Variants in IKZF2 observed in about 807,000 individuals in gnomAD.
IKZF2 encodes zinc finger protein Helios.
IKZF2 carries 15 observed loss-of-function variants against 49.2 expected under a neutral mutation model. The ratio of observed to expected loss-of-function variants is 0.30; its 90% CI spans 0.20 to 0.47. The LOEUF is 0.47. IKZF2 is among the 20% of genes least tolerant of loss of function. The pLI, the probability that IKZF2 is intolerant of heterozygous loss-of-function variation, is 1.00. For missense variants in IKZF2, 567 were observed against 664.6 expected (o/e 0.85, Z 1.61); for synonymous variants, 227 against 221.4 (o/e 1.03, Z -0.23).
intron 8 of IKZF2, among the ~76,000 whole-genome samples, chr2:213,012,194 A>G (rs1369198966): frequency 1.3e-5 from 2 of 151,964 alleles, no homozygotes; most frequent in Non-Finnish European, 2.9e-5. Flanking sequence ...TAGAATCCAA[A>G]TAAAGAAAAA....
At chr2:213,050,516 A>T (rs1700575655) in intron 5 of IKZF2, among the ~76,000 whole-genome samples, 1 of 152,214 alleles carries the variant, frequency 6.6e-6, no homozygotes, top group Non-Finnish European at 1.5e-5. Context: ...AAAGCTCATT[A>T]GTACAAGATT....
chr2:213,138,158 T>C (rs905493901), intron 4 of IKZF2, among the ~76,000 whole-genome samples: 1 of 152,098 alleles, frequency 6.6e-6, no homozygotes, highest in Non-Finnish European at 1.5e-5. Flanking sequence ...AGAACTGGCT[T>C]TAAAATTACA....
chr2:213,067,802 T>C (rs1702301393), intron 4 of IKZF2, among the ~76,000 whole-genome samples: 2 of 152,012 alleles, frequency 1.3e-5, no homozygotes, highest in South Asian at 4.1e-4. Flanking sequence ...CTATGCACTG[T>C]AAAATATTTA....
At chr2:213,081,662 A>G (rs1703967970) in intron 4 of IKZF2, among the ~76,000 whole-genome samples, 1 of 152,196 alleles carries the variant, frequency 6.6e-6, no homozygotes, top group Non-Finnish European at 1.5e-5. Flanking sequence ...AGGGGGAATA[A>G]CATGTGCGAA....
At chr2:213,071,987 A>C (rs1702754449) in intron 4 of IKZF2, among the ~76,000 whole-genome samples, 1 of 152,108 alleles carries the variant, frequency 6.6e-6, no homozygotes, top group African/African-American at 2.4e-5. Context: ...ATTCACCATC[A>C]TTAGATACAA....
intron 4 of IKZF2, among the ~76,000 whole-genome samples, chr2:213,090,633 G>A (rs1036230208): frequency 3.9e-5 from 6 of 152,284 alleles, no homozygotes; most frequent in Admixed American, 6.5e-5. Context: ...AGATGAAGTC[G>A]TACTAGAGTA....
At chr2:213,092,391 T>C (rs900557963) in intron 4 of IKZF2, among the ~76,000 whole-genome samples, 1 of 152,200 alleles carries the variant, frequency 6.6e-6, no homozygotes, top group African/African-American at 2.4e-5. Flanking sequence ...TGTACAGTTA[T>C]GGTCATATTT....
chr2:213,029,999 T>C (rs967858526), intron 6 of IKZF2, among the ~76,000 whole-genome samples: 6 of 152,270 alleles, frequency 3.9e-5, no homozygotes, highest in Middle Eastern at 3.4e-3. Context: ...AAATGATCTA[T>C]TTCATGCCTT....
intron 4 of IKZF2, among the ~76,000 whole-genome samples, chr2:213,146,766 G>GT (rs950027198): frequency 2.4e-5 from 3 of 124,444 alleles, no homozygotes; most frequent in South Asian, 2.8e-4. Context: ...CTTCGGGGGG[G>GT]GGGAAGGAAA....
At chr2:213,038,040 CTGTTT>C (rs1364888173) in intron 6 of IKZF2, among the ~76,000 whole-genome samples, 4 of 150,290 alleles carry the variant, frequency 2.7e-5, no homozygotes, top group South Asian at 2.1e-4. Context: ...TCATGGTGGT[CTGTTT>C]TGTTTTGTTT....
chr2:213,106,239 T>G (rs891909827), intron 4 of IKZF2, among the ~76,000 whole-genome samples: 3 of 152,064 alleles, frequency 2.0e-5, no homozygotes, highest in Non-Finnish European at 4.4e-5. Context: ...AAATCTCTTT[T>G]GTGGTTGAAA....
At chr2:213,054,159 G>A (rs1306867866) in intron 5 of IKZF2, among the ~76,000 whole-genome samples, 6 of 152,084 alleles carry the variant, frequency 3.9e-5, no homozygotes, top group East Asian at 3.9e-4. Context: ...CAGGAGGATC[G>A]CTTGAACCCA....
intron 4 of IKZF2, among the ~76,000 whole-genome samples, chr2:213,078,630 C>G (rs1703550521): frequency 6.6e-6 from 1 of 152,060 alleles, no homozygotes; most frequent in South Asian, 2.1e-4. Flanking sequence ...TTTGCTTTGC[C>G]CTCTAAATAC....
intron 4 of IKZF2, among the ~76,000 whole-genome samples, chr2:213,143,769 C>CA (rs2060952651): frequency 6.6e-6 from 1 of 151,824 alleles, no homozygotes; most frequent in Non-Finnish European, 1.5e-5. Flanking sequence ...GGCTCTATTT[C>CA]AAAAAGTGCA....
intron 7 of IKZF2, chr2:213,014,366 A>G (rs1339464521): frequency 2.6e-5 from 4 of 154,304 alleles, no homozygotes; most frequent in African/African-American, 9.6e-5. Context: ...AAATAACAGC[A>G]CGGTATTTAA....
chr2:213,141,059 C>T (rs1559326755), intron 4 of IKZF2, among the ~76,000 whole-genome samples: 3 of 151,884 alleles, frequency 2.0e-5, no homozygotes, highest in African/African-American at 7.2e-5. Context: ...GAAACCTGCT[C>T]CAGTATTTGC....
At chr2:213,126,690 C>G (rs779803431) in intron 4 of IKZF2, among the ~76,000 whole-genome samples, 4 of 152,022 alleles carry the variant, frequency 2.6e-5, no homozygotes, top group Non-Finnish European at 5.9e-5. Flanking sequence ...ATAGGTACGT[C>G]ATATGGTACA....
At chr2:213,072,737 T>G (rs1702842579) in intron 4 of IKZF2, among the ~76,000 whole-genome samples, 1 of 152,142 alleles carries the variant, frequency 6.6e-6, no homozygotes, top group Non-Finnish European at 1.5e-5. Flanking sequence ...ATTTTTCTAG[T>G]GTTTTTATTT....
chr2:213,093,063 A>G (rs1705539885), intron 4 of IKZF2, among the ~76,000 whole-genome samples: 1 of 152,176 alleles, frequency 6.6e-6, no homozygotes, highest in Non-Finnish European at 1.5e-5. Flanking sequence ...TATATTTGCT[A>G]AACTAAGAAA....
Sources: gnomAD v4.1 joint callset for allele counts (sites outside exome capture counted in the v4.1 genomes callset) on GRCh38, gnomAD v4.1.1 for gene constraint, MANE v1.5 for transcripts, NCBI Gene and HGNC (gene_info 2026-07-23, HGNC 2026-07-21) for gene names.